UST: variants seen among roughly 807,000 people sequenced by gnomAD.
UST encodes chondroitin sulfate 2-O-sulfotransferase.
A neutral mutation model predicts 45.6 loss-of-function variants in UST; 21 were observed. That is an observed-to-expected ratio of 0.46 (90% CI 0.33 to 0.66). The LOEUF is 0.66. UST is among the 30% of genes least tolerant of loss of function. The pLI is 0.02. For synonymous variants in UST, 215 were observed against 200.6 expected (o/e 1.07, Z -0.61); for missense variants, 463 against 512.4 (o/e 0.90, Z 0.93).
At chr6:149,025,417 T>C (rs1435735652) in intron 7 of UST, among the ~76,000 whole-genome samples, 1 of 152,144 alleles carries the variant, frequency 6.6e-6, no homozygotes, top group Non-Finnish European at 1.5e-5. Flanking sequence ...AAATAAAAAT[T>C]AGAGTTTTAG....
At chr6:148,799,944 G>A (rs927160703) in intron 1 of UST, among the ~76,000 whole-genome samples, 5 of 152,090 alleles carry the variant, frequency 3.3e-5, no homozygotes, top group Non-Finnish European at 7.4e-5. Flanking sequence ...TCTCTCTCTT[G>A]TGTTTTAATA....
At chr6:148,798,762 A>G (rs1393973012) in intron 1 of UST, among the ~76,000 whole-genome samples, 1 of 152,172 alleles carries the variant, frequency 6.6e-6, no homozygotes. Flanking sequence ...GCTCATAAAC[A>G]TTTGTTACTC....
At chr6:148,788,091 T>G (rs578036552) in intron 1 of UST, among the ~76,000 whole-genome samples, 1 of 152,138 alleles carries the variant, frequency 6.6e-6, no homozygotes, top group East Asian at 1.9e-4. Flanking sequence ...TAGGGGAAGG[T>G]GAAAGGCTCT....
intron 1 of UST, among the ~76,000 whole-genome samples, chr6:148,871,231 C>A (rs1582866697): frequency 3.3e-5 from 5 of 151,738 alleles, no homozygotes; most frequent in Admixed American, 6.6e-5. Flanking sequence ...GATGAGGGCT[C>A]TCACTGGAAC....
intron 7 of UST, among the ~76,000 whole-genome samples, chr6:149,061,351 A>G (rs1776652337): frequency 6.6e-6 from 1 of 152,146 alleles, no homozygotes; most frequent in African/African-American, 2.4e-5. Flanking sequence ...AAGATTATGA[A>G]CCAGTTCAAA....
intron 1 of UST, among the ~76,000 whole-genome samples, chr6:148,846,519 G>A (rs1252700374): frequency 6.6e-6 from 1 of 151,834 alleles, no homozygotes; most frequent in African/African-American, 2.4e-5. Flanking sequence ...AATGGGTGCA[G>A]CACACCAGCA....
At chr6:149,057,275 A>G (rs761323954) in intron 7 of UST, among the ~76,000 whole-genome samples, 1 of 152,174 alleles carries the variant, frequency 6.6e-6, no homozygotes, top group African/African-American at 2.4e-5. Flanking sequence ...TTTACGAGCA[A>G]CCATACTCCC....
chr6:148,949,292 A>AAATAAT (rs56946786), intron 3 of UST, among the ~76,000 whole-genome samples: 4,554 of 141,278 alleles, frequency 0.032, 128 homozygotes, highest in Admixed American at 0.064. Flanking sequence ...CTTCGTCTCA[A>AAATAAT]AATAATAATA....
At chr6:148,883,951 G>A (rs1778868538) in intron 1 of UST, among the ~76,000 whole-genome samples, 1 of 152,082 alleles carries the variant, frequency 6.6e-6, no homozygotes, top group Non-Finnish European at 1.5e-5. Context: ...GGCCAACATG[G>A]AGAAACCCTG....
intron 1 of UST, 123 bp from the exon 2 acceptor site, chr6:148,886,863 T>C: frequency 1.3e-6 from 1 of 795,228 alleles, no homozygotes; most frequent in Middle Eastern, 3.2e-4. Flanking sequence ...TCCCCATTTT[T>C]CTTTGGTACT....
chr6:148,764,614 C>T (rs181164338), intron 1 of UST, among the ~76,000 whole-genome samples: 13 of 152,084 alleles, frequency 8.5e-5, no homozygotes, highest in Admixed American at 2.0e-4. Flanking sequence ...GCTGGGTGTC[C>T]GGAGGAGACA....
intron 1 of UST, among the ~76,000 whole-genome samples, chr6:148,756,230 G>C (rs1776096098): frequency 6.6e-6 from 1 of 151,994 alleles, no homozygotes; most frequent in South Asian, 2.1e-4. Context: ...TTCATAAGGG[G>C]CTTTTCCCCT....
At chr6:148,820,925 C>T (rs946201614) in intron 1 of UST, among the ~76,000 whole-genome samples, 2 of 146,932 alleles carry the variant, frequency 1.4e-5, no homozygotes, top group East Asian at 4.0e-4. Context: ...GATCCAGGAT[C>T]ATGTATTACA....
intron 1 of UST, among the ~76,000 whole-genome samples, chr6:148,824,077 T>G (rs376232679): frequency 6.6e-6 from 1 of 152,194 alleles, no homozygotes; most frequent in Admixed American, 6.5e-5. Flanking sequence ...TTTGAAGATA[T>G]AGTTAATGTT....
intron 7 of UST, among the ~76,000 whole-genome samples, chr6:149,053,658 T>C (rs752217464): frequency 2.6e-5 from 4 of 152,254 alleles, no homozygotes; most frequent in Non-Finnish European, 5.9e-5. Context: ...GGTGAACCGA[T>C]GGTGCTGTAT....
At chr6:148,864,173 C>T (rs890648519) in intron 1 of UST, among the ~76,000 whole-genome samples, 2 of 152,226 alleles carry the variant, frequency 1.3e-5, no homozygotes, top group African/African-American at 4.8e-5. Flanking sequence ...TTCCCGGCCA[C>T]TTTGTTTACC....
chr6:148,999,373 G>A (rs1781506276), intron 5 of UST, among the ~76,000 whole-genome samples: 1 of 152,166 alleles, frequency 6.6e-6, no homozygotes, highest in Non-Finnish European at 1.5e-5. Context: ...ATCTGGCACT[G>A]GGTGGATACC....
intron 5 of UST, among the ~76,000 whole-genome samples, chr6:148,987,130 G>GGAT (rs1185539714): frequency 2.6e-5 from 4 of 152,158 alleles, no homozygotes; most frequent in African/African-American, 9.7e-5. Flanking sequence ...TACAGCCCAG[G>GGAT]GATCTGGTTG....
chr6:149,029,866 TTGTGTGTGTG>T (rs3074362), intron 7 of UST, among the ~76,000 whole-genome samples: 533 of 140,760 alleles, frequency 3.8e-3, no homozygotes, highest in African/African-American at 7.7e-3. Flanking sequence ...GCACTGGATC[TTGTGTGTGTG>T]TGTGTGTGTG....
Sources: gnomAD v4.1 joint callset for allele counts (sites outside exome capture counted in the v4.1 genomes callset) on GRCh38, gnomAD v4.1.1 for gene constraint, MANE v1.5 for transcripts, NCBI Gene and HGNC (gene_info 2026-07-23, HGNC 2026-07-21) for gene names.